The following PLS1 variants were observed in gnomAD, a reference collection of about 807,000 sequenced individuals.
PLS1 encodes plastin 1, also known as plastin-1.
A neutral mutation model predicts 73.7 loss-of-function variants in PLS1; 32 were observed. The ratio of observed to expected loss-of-function variants is 0.43; its 90% CI spans 0.33 to 0.58. The LOEUF (loss-of-function observed/expected upper bound fraction) is 0.58, where lower values mean the gene tolerates loss of function less well. Among genes scored for constraint, PLS1 ranks in the 20% least tolerant of loss-of-function variants. PLS1 has a pLI of 0.04. For missense variants in PLS1, 633 were observed against 740.5 expected (o/e 0.85, Z 1.68); for synonymous variants, 217 against 261.3 (o/e 0.83, Z 1.63).
chr3:142,633,728 A>G (rs2036616644), intron 1 of PLS1, among the ~76,000 whole-genome samples: 1 of 152,204 alleles, frequency 6.6e-6, no homozygotes, highest in Non-Finnish European at 1.5e-5. Context: ...TGTGTTTTTT[A>G]CCACAATAAA....
At position 142,712,726 on chromosome 3, in the gene PLS1, T is replaced by G. The variant is rs1282787198; in HGVS notation, c.*719T>G. 2.0e-5 allele frequency: 3 copies of G among 152,530 alleles called. No homozygotes were observed. The highest frequency in any genetic ancestry group is 7.2e-5 in the African/African-American group (3 of 41,442). The allele number at this position is 152,530 out of a possible 1,614,324, so 9.4% of individuals were successfully genotyped here. A position where few individuals can be genotyped will look rare whatever the true frequency, so the allele number is the denominator to read the frequency against. ...TAGGATGTTATTAGAGAGATATGTG[T>G]GCATATATATTTTTTTGCACCTGAA... On this transcript the variant is annotated 3_prime_UTR_variant, in exon 16 of 16. Transcript: ENST00000457734.
chr3:142,687,834 A>G (rs1025424052), intron 9 of PLS1, among the ~76,000 whole-genome samples: 2 of 152,208 alleles, frequency 1.3e-5, no homozygotes, highest in African/African-American at 2.4e-5. Context: ...AATCTGTAAC[A>G]TCATCAAAAT....
rs1035981764 is a variant in PLS1, at chr3:142,679,981, G to T, written c.579+1868G>T. Among the ~76,000 whole-genome samples, 6 of 151,430 alleles carry T rather than the reference G, an allele frequency of 4.0e-5. No homozygotes were observed. In the South Asian group the frequency reaches 1.1e-3, roughly 27 times the overall value. ...GTGGTTTGTAGTTCTCCTTGAAGAGGTCCTTCACATCCCTTGTAAGTTGGA... is the reference window on the plus strand; with the variant it reads ...GTGGTTTGTAGTTCTCCTTGAAGAGTTCCTTCACATCCCTTGTAAGTTGGA... On this transcript the variant is annotated intron_variant, in intron 6 of 15. Coordinates refer to ENST00000457734, the MANE Select transcript of PLS1 (RefSeq NM_001145319.2).
At chr3:142,622,792 T>G (rs1374592518) in intron 1 of PLS1, among the ~76,000 whole-genome samples, 2 of 152,248 alleles carry the variant, frequency 1.3e-5, no homozygotes, top group Non-Finnish European at 2.9e-5. Flanking sequence ...TATTCAAAGA[T>G]AATTTTGGAT....
At chr3:142,644,537 G>A (rs2036912787) in intron 1 of PLS1, among the ~76,000 whole-genome samples, 2 of 152,208 alleles carry the variant, frequency 1.3e-5, no homozygotes, top group South Asian at 4.1e-4. Flanking sequence ...ATAGGCGTGA[G>A]CCACGGTGCC....
chr3:142,617,119 C>A (rs1365695943), intron 1 of PLS1, among the ~76,000 whole-genome samples: 11 of 150,882 alleles, frequency 7.3e-5, no homozygotes, highest in Non-Finnish European at 1.5e-5. Context: ...AAAAGGGATA[C>A]ATTTCTAAAA....
intron 1 of PLS1, among the ~76,000 whole-genome samples, chr3:142,596,724 C>T (rs1345521862): frequency 6.6e-6 from 1 of 152,174 alleles, no homozygotes; most frequent in African/African-American, 2.4e-5. Flanking sequence ...TGTTAAATCG[C>T]GTATTTACAC....
intron 14 of PLS1, among the ~76,000 whole-genome samples, chr3:142,706,677 A>T (rs2038468993): frequency 1.3e-5 from 2 of 152,162 alleles, no homozygotes; most frequent in Non-Finnish European, 2.9e-5. Flanking sequence ...CCAAGGCAGT[A>T]CTCAAGGTGT....
In PLS1 at chr3:142,711,890, T is replaced by G; in HGVS notation, c.1773T>G (p.Ala591=). ...CTTCAAGATACGCCATTTCAGTTGC[T>G]CGAAAGATCGGTGCCCGGATATATG... is the stretch of plus-strand genomic sequence containing the variant. ...LNNAKYAISV[A]RKIGARIYAL... The change falls in exon 16 of 16, where the codon GCT becomes GCG. Residue 591 remains alanine (A), a synonymous_variant. Coordinates refer to ENST00000457734, the MANE Select transcript of PLS1 (RefSeq NM_001145319.2). 6.2e-7 allele frequency: 1 copy of G among 1,613,774 alleles called. No homozygotes were observed.
chr3:142,648,807 T>C (rs2037015873), intron 1 of PLS1, among the ~76,000 whole-genome samples: 1 of 152,210 alleles, frequency 6.6e-6, no homozygotes, highest in African/African-American at 2.4e-5. Flanking sequence ...TTGTTCCCTT[T>C]GTGCTTTGAA....
At position 142,711,534 on chromosome 3, in the gene PLS1, GATTTAAT is replaced by G; in HGVS notation, c.1665_1671del (p.Asp555GlufsTer13). 6.2e-7 allele frequency: 1 copy of G among 1,601,182 alleles called. No individual in the cohort carries two copies. Among genetic ancestry groups the G allele is most frequent in the Non-Finnish European group, 8.6e-7 (1 of 1,169,160 alleles). Reference sequence around the variant, plus strand: ...TATAAGCACAAGTTTACCTGTCCTAGATTTAATAGATGCCATTGCACCAAATGCAGTT... The same window carrying G: ...TATAAGCACAAGTTTACCTGTCCTAGAGATGCCATTGCACCAAATGCAGTT... On this transcript the variant is annotated frameshift_variant, in exon 15 of 16. Coordinates refer to ENST00000457734, the MANE Select transcript of PLS1 (RefSeq NM_001145319.2). LOFTEE classifies it high-confidence loss of function.
chr3:142,671,918 T>C (rs2037611544), intron 4 of PLS1, among the ~76,000 whole-genome samples: 1 of 152,188 alleles, frequency 6.6e-6, no homozygotes, highest in Non-Finnish European at 1.5e-5. Context: ...TTCTCTCATC[T>C]ATTATATGTT....
intron 1 of PLS1, among the ~76,000 whole-genome samples, chr3:142,639,404 A>G (rs959905035): frequency 1.3e-5 from 2 of 152,174 alleles, no homozygotes; most frequent in Non-Finnish European, 2.9e-5. Flanking sequence ...ACTTGGTTTT[A>G]GTAGTGGAAT....
At chr3:142,655,474 A>C (rs2037206277) in intron 1 of PLS1, among the ~76,000 whole-genome samples, 4 of 152,036 alleles carry the variant, frequency 2.6e-5, no homozygotes, top group South Asian at 2.1e-4. Context: ...TAATCCCAGC[A>C]CTTTGGGAGG....
intron 1 of PLS1, among the ~76,000 whole-genome samples, chr3:142,641,256 T>C (rs2036832157): frequency 6.9e-6 from 1 of 145,792 alleles, no homozygotes; most frequent in Admixed American, 7.0e-5. Context: ...TATATCTCTC[T>C]ATATATTATA....
At chr3:142,697,323 G>T (rs2038231245) in intron 11 of PLS1, among the ~76,000 whole-genome samples, 1 of 152,122 alleles carries the variant, frequency 6.6e-6, no homozygotes, top group South Asian at 2.1e-4. Context: ...TATGTTTTAA[G>T]TTAAAAAATA....
intron 1 of PLS1, among the ~76,000 whole-genome samples, chr3:142,663,331 T>G (rs528601023): frequency 6.6e-6 from 1 of 152,326 alleles, no homozygotes; most frequent in Admixed American, 6.5e-5. Context: ...GGACATTCAT[T>G]ATCAATTATT....
In PLS1 at chr3:142,704,472, G is replaced by A. The variant is rs748486333; in HGVS notation, c.1515G>A (p.Leu505=). 10 of 1,598,892 alleles carry A rather than the reference G, an allele frequency of 6.3e-6. No homozygotes were observed. Among genetic ancestry groups the A allele is most frequent in the Non-Finnish European group, 7.7e-6 (9 of 1,169,224 alleles). The stretch of plus-strand genomic sequence containing the variant: ...ATCTTTTCTGTTGCAGGTACACATT[G>A]AATGTGTTATCGGATCTTGGAGAGG... ...LVWQLMRRYT[L]NVLSDLGEGE... Residue 505 remains leucine, a synonymous_variant, in exon 14 of 16, where the codon TTG becomes TTA. Transcript: ENST00000457734.
chr3:142,643,825 ATTTTTTTTTTTT>A (rs67216911), intron 1 of PLS1, among the ~76,000 whole-genome samples: 1 of 122,920 alleles, frequency 8.1e-6, no homozygotes, highest in Non-Finnish European at 1.7e-5. Flanking sequence ...TCTTCATTTC[ATTTTTTTTTTTT>A]TTTTTTTTTG....
Sources: allele counts gnomAD v4.1 joint callset (sites outside exome capture counted in the v4.1 genomes callset), GRCh38; gene constraint gnomAD v4.1.1; transcripts MANE v1.5; gene names NCBI Gene and HGNC (gene_info 2026-07-23, HGNC 2026-07-21).